The following RIT2 variants were observed in gnomAD, a reference collection of about 807,000 sequenced individuals.
RIT2 encodes GTP-binding protein Rit2.
In RIT2, 24 loss-of-function variants were observed where a neutral mutation model predicts 23.7. That is an observed-to-expected ratio of 1.01 (90% CI 0.73 to 1.43). RIT2 has a LOEUF of 1.43. Ranked by LOEUF, RIT2 falls within the 40% of genes most tolerant of loss-of-function variation. RIT2 has a pLI of 0.00. For synonymous variants in RIT2, 107 were observed against 91.1 expected (o/e 1.17, Z -0.99); for missense variants, 236 against 266.9 (o/e 0.88, Z 0.81).
intron 4 of RIT2, among the ~76,000 whole-genome samples, chr18:42,822,547 C>T (rs974337402): frequency 2.0e-5 from 3 of 152,070 alleles, no homozygotes; most frequent in Non-Finnish European, 2.9e-5. Flanking sequence ...CACCAGAAAT[C>T]ACTGCCCCAA....
chr18:43,073,723 C>A lies in RIT2; in HGVS notation c.104-39856G>T, dbSNP rs773710291. Among the ~76,000 whole-genome samples the A allele has an allele frequency of 5.4e-4, 82 of 152,216 alleles. No individual in the cohort carries two copies. The Middle Eastern group carries it at 0.034, about 63-fold the overall frequency. ...GCCATCCAGGAATGGCAATTAGGAA[C>A]CCTCCCCTCCAGCAATCCAGACTGG... On this transcript the variant is annotated intron_variant, in intron 1 of 4. Coordinates refer to ENST00000326695, the MANE Select transcript of RIT2 (RefSeq NM_002930.4).
intron 2 of RIT2, among the ~76,000 whole-genome samples, chr18:43,012,463 T>A (rs2144255587): frequency 6.6e-6 from 1 of 151,896 alleles, no homozygotes; most frequent in Non-Finnish European, 1.5e-5. Context: ...GATTTGTATA[T>A]TATACTTCTG....
At chr18:43,029,709 C>A (rs1389423750) in intron 2 of RIT2, among the ~76,000 whole-genome samples, 2 of 151,770 alleles carry the variant, frequency 1.3e-5, no homozygotes, top group African/African-American at 4.8e-5. Flanking sequence ...TTGAACAATG[C>A]CTGAAACATA....
chr18:42,832,035 T>G (rs548055348), intron 4 of RIT2, among the ~76,000 whole-genome samples: 32 of 152,322 alleles, frequency 2.1e-4, no homozygotes, highest in African/African-American at 7.0e-4. Flanking sequence ...TGTCTACTAT[T>G]TTTATACTTG....
chr18:42,748,512 A>T (rs1912971895), intron 4 of RIT2, among the ~76,000 whole-genome samples: 1 of 152,064 alleles, frequency 6.6e-6, no homozygotes, highest in South Asian at 2.1e-4. Flanking sequence ...TAGTACAAAC[A>T]CTATGTAAAA....
intron 3 of RIT2, among the ~76,000 whole-genome samples, chr18:42,965,647 T>C (rs888723243): frequency 7.0e-6 from 1 of 142,302 alleles, no homozygotes; most frequent in Non-Finnish European, 1.5e-5. Context: ...CAAAATATCG[T>C]AAAGGATATA....
chr18:42,784,484 T>C lies in RIT2; in HGVS notation c.427-40764A>G, dbSNP rs1294976900. Among the ~76,000 whole-genome samples, 7 of 152,072 alleles carry C rather than the reference T, an allele frequency of 4.6e-5. No homozygotes were observed. In the East Asian group the frequency reaches 1.2e-3, roughly 25 times the overall value. On this transcript the variant is annotated intron_variant, in intron 4 of 4. Coordinates refer to ENST00000326695, the MANE Select transcript of RIT2 (RefSeq NM_002930.4). ...GCAATAGCAATGTTCAGGGCAGTTA[T>C]AGGTATTGAATGAGAAGATTTTCCA... is the stretch of plus-strand genomic sequence containing the variant.
intron 4 of RIT2, among the ~76,000 whole-genome samples, chr18:42,865,364 A>G (rs1017906984): frequency 2.0e-5 from 3 of 152,168 alleles, no homozygotes; most frequent in Non-Finnish European, 4.4e-5. Flanking sequence ...ACCAGCACAG[A>G]TAGATTGAAT....
intron 3 of RIT2, among the ~76,000 whole-genome samples, chr18:42,963,052 A>G (rs1451930571): frequency 6.6e-6 from 1 of 152,152 alleles, no homozygotes; most frequent in Non-Finnish European, 1.5e-5. Flanking sequence ...GCAAGGAATA[A>G]TCCACGTTCC....
At chr18:42,763,706 T>A (rs148338078) in intron 4 of RIT2, among the ~76,000 whole-genome samples, 2 of 152,206 alleles carry the variant, frequency 1.3e-5, no homozygotes, top group Non-Finnish European at 2.9e-5. Flanking sequence ...ATTTATAAAC[T>A]TTTTATTTTT....
chr18:42,832,562 A>G (rs73470087), intron 4 of RIT2, among the ~76,000 whole-genome samples: 2,429 of 152,250 alleles, frequency 0.016, 66 homozygotes, highest in African/African-American at 0.055. Flanking sequence ...CAATTTTTGT[A>G]CATATTTATG....
At chr18:42,885,850 G>C (rs1908009265) in intron 4 of RIT2, among the ~76,000 whole-genome samples, 2 of 152,102 alleles carry the variant, frequency 1.3e-5, no homozygotes, top group Admixed American at 1.3e-4. Flanking sequence ...ATAAATTTAT[G>C]ATATTAATGC....
intron 2 of RIT2, among the ~76,000 whole-genome samples, chr18:43,008,788 T>C (rs1737335416): frequency 6.6e-6 from 1 of 151,600 alleles, no homozygotes; most frequent in African/African-American, 2.4e-5. Context: ...AAGGTTGTAA[T>C]AGCACCTTGA....
chr18:42,836,793 G>A (rs975975777), intron 4 of RIT2, among the ~76,000 whole-genome samples: 3 of 152,170 alleles, frequency 2.0e-5, no homozygotes, highest in African/African-American at 7.2e-5. Context: ...AAGGAAAAGA[G>A]CTATGAGTTA....
intron 4 of RIT2, among the ~76,000 whole-genome samples, chr18:42,850,116 T>G (rs1368364238): frequency 1.4e-5 from 2 of 147,088 alleles, no homozygotes; most frequent in Non-Finnish European, 3.0e-5. Flanking sequence ...TGTGTGTGAA[T>G]ATACATAACG....
At chr18:42,969,396 G>T (rs1443316306) in intron 3 of RIT2, among the ~76,000 whole-genome samples, 1 of 152,096 alleles carries the variant, frequency 6.6e-6, no homozygotes, top group African/African-American at 2.4e-5. Flanking sequence ...TTTCAGAGAA[G>T]AATTATATAA....
chr18:42,974,529 T>C (rs1910436375), intron 2 of RIT2, among the ~76,000 whole-genome samples: 1 of 152,034 alleles, frequency 6.6e-6, no homozygotes, highest in South Asian at 2.1e-4. Flanking sequence ...CAAGATTCCC[T>C]GCTCTCACCT....
chr18:42,813,523 C>T (rs1386857088), intron 4 of RIT2, among the ~76,000 whole-genome samples: 1 of 151,978 alleles, frequency 6.6e-6, no homozygotes, highest in African/African-American at 2.4e-5. Context: ...TATATTTGTA[C>T]ATATTTTCAA....
At chr18:42,829,239 T>C (rs1433781303) in intron 4 of RIT2, among the ~76,000 whole-genome samples, 2 of 152,184 alleles carry the variant, frequency 1.3e-5, no homozygotes, top group Non-Finnish European at 2.9e-5. Flanking sequence ...CTAATATATA[T>C]ATGATGGTCA....
Sources: allele counts gnomAD v4.1 joint callset (sites outside exome capture counted in the v4.1 genomes callset), GRCh38; gene constraint gnomAD v4.1.1; transcripts MANE v1.5; gene names NCBI Gene and HGNC (gene_info 2026-07-23, HGNC 2026-07-21).